MAP3K2: variants seen among roughly 807,000 people sequenced by gnomAD.
MAP3K2 encodes mitogen-activated protein kinase kinase kinase 2.
A neutral mutation model predicts 80.3 loss-of-function variants in MAP3K2; 24 were observed. The ratio of observed to expected loss-of-function variants is 0.30; its 90% CI spans 0.22 to 0.42. MAP3K2 has a LOEUF of 0.42. Among genes scored for constraint, MAP3K2 ranks in the 10% least tolerant of loss-of-function variants. The pLI, the probability that MAP3K2 is intolerant of heterozygous loss-of-function variation, is 1.00. For missense variants in MAP3K2, 608 were observed against 750.1 expected (o/e 0.81, Z 2.21); for synonymous variants, 244 against 253.7 (o/e 0.96, Z 0.36).
intron 1 of MAP3K2, among the ~76,000 whole-genome samples, chr2:127,376,334 C>A (rs969792106): frequency 6.6e-6 from 1 of 151,930 alleles, no homozygotes; most frequent in Non-Finnish European, 1.5e-5. Context: ...AGGGGGGGAG[C>A]GCAACCATGT....
intron 1 of MAP3K2, among the ~76,000 whole-genome samples, chr2:127,360,013 GTATT>G (rs1266640852): frequency 6.6e-6 from 1 of 152,054 alleles, no homozygotes; most frequent in Non-Finnish European, 1.5e-5. Flanking sequence ...CAATGCCTAC[GTATT>G]TACTCAAGAA....
chr2:127,302,058 G>A lies in MAP3K2; in HGVS notation c.*5521C>T, dbSNP rs1035032774. On this transcript the variant is annotated 3_prime_UTR_variant, in exon 17 of 17. Transcript: ENST00000682094. ...AAAAGAGGTACAAGAGAATTTCCTT[G>A]TGAATACTTGGTAAGCTAAGGAAGC... 6.6e-6 allele frequency: 1 copy of A among 152,190 alleles called. No individual in the cohort carries two copies. 9.4% of individuals were successfully genotyped at this position (152,190 alleles called of 1,614,324 possible). A position where few individuals can be genotyped will look rare whatever the true frequency, so the allele number is the denominator to read the frequency against.
rs149362885 is a variant in MAP3K2 at position 127,299,021 on chromosome 2, C to T, written c.*8558G>A. ...AATTATAAAACTCAGAAATTGTATA[C>T]ATTTTTACAAGCACAATTTTGAATG... On this transcript the variant is annotated 3_prime_UTR_variant, in exon 17 of 17. Coordinates refer to ENST00000682094, the MANE Select transcript of MAP3K2 (RefSeq NM_001371910.2). The T allele has an allele frequency of 5.2e-3, 798 of 152,080 alleles. 10 individuals are homozygous for T. The highest frequency in any genetic ancestry group is 0.018 in the African/African-American group (743 of 41,472). 9.4% of individuals were successfully genotyped at this position (152,080 alleles called of 1,614,324 possible).
Position 127,307,834 on chromosome 2 carries a change from A to G in MAP3K2, c.1635-30T>C, listed in dbSNP as rs1685731668. The G allele has an allele frequency of 2.1e-6, 3 of 1,431,114 alleles. No individual in the cohort carries two copies. The highest frequency in any genetic ancestry group is 2.0e-5 in the Admixed American group (1 of 49,706). 88.7% of individuals were successfully genotyped at this position (1,431,114 alleles called of 1,614,324 possible). A position where few individuals can be genotyped will look rare whatever the true frequency, so the allele number is the denominator to read the frequency against. On this transcript the variant is annotated intron_variant, in intron 16 of 16. Coordinates refer to ENST00000682094, the MANE Select transcript of MAP3K2 (RefSeq NM_001371910.2). The surrounding 1 kb of genome is among the most constrained non-coding windows in gnomAD (Gnocchi z 5.4). ...AAAGAAACAAAAAGAAATACATTAC[A>G]CAAACAACAACATGAAAGAAAGCTA...
chr2:127,342,653 A>G (rs1372222506), intron 2 of MAP3K2, among the ~76,000 whole-genome samples: 2 of 142,088 alleles, frequency 1.4e-5, no homozygotes, highest in African/African-American at 5.3e-5. Flanking sequence ...AACACAAAGG[A>G]GAAAAGGAAA....
At chr2:127,386,817 T>C (rs57547812) in intron 1 of MAP3K2, among the ~76,000 whole-genome samples, 13,669 of 152,222 alleles carry the variant, frequency 0.09, 799 homozygotes, top group African/African-American at 0.17. Flanking sequence ...CGTATTTATT[T>C]TTTGCAAGAC....
At chr2:127,335,737 C>CCTTCTGACATACCATATAT (rs1686354431) in intron 5 of MAP3K2, 133 bp downstream of exon 5, 3 of 493,840 alleles carry the variant, frequency 6.1e-6, no homozygotes, top group Non-Finnish European at 1.1e-5. Context: ...TTAAAATTTA[C>CCTTCTGACATACCATATAT]TTGTTTTATC....
At chr2:127,377,420 C>A (rs963311000) in intron 1 of MAP3K2, among the ~76,000 whole-genome samples, 37 of 151,174 alleles carry the variant, frequency 2.4e-4, no homozygotes, top group Non-Finnish European at 4.4e-4. Flanking sequence ...TTGGCCCTAG[C>A]CCCAGAAGAT....
At position 127,352,851 on chromosome 2, in the gene MAP3K2, G is replaced by A. The variant is rs187482179; in HGVS notation, c.-65-9657C>T. 1.7e-4 allele frequency among the ~76,000 whole-genome samples: 26 copies of A among 152,220 alleles called. No individual in the cohort carries two copies. In the East Asian group the frequency reaches 3.9e-3, roughly 23 times the overall value. ...GTGCCTGCGATTGCAGGTGCGCGCC[G>A]CCATGCCTGACTGGTTTTCGTATTT... On this transcript the variant is annotated intron_variant, in intron 1 of 16. Coordinates refer to ENST00000682094, the MANE Select transcript of MAP3K2 (RefSeq NM_001371910.2).
chr2:127,367,473 T>C lies in MAP3K2; in HGVS notation c.-66+19979A>G, dbSNP rs577335950. ...CAGGAGACATTAGGTCTCATTTCCCTATCACATTAGAATAAAATACTTTGG... is the reference window on the plus strand; with the variant it reads ...CAGGAGACATTAGGTCTCATTTCCCCATCACATTAGAATAAAATACTTTGG... On this transcript the variant is annotated intron_variant, in intron 1 of 16. Coordinates refer to ENST00000682094, the MANE Select transcript of MAP3K2 (RefSeq NM_001371910.2). 4.6e-5 allele frequency among the ~76,000 whole-genome samples: 7 copies of C among 152,340 alleles called. No individual in the cohort carries two copies. The South Asian group carries it at 6.2e-4, about 14-fold the overall frequency.
Position 127,335,864 on chromosome 2 carries a change from G to A in MAP3K2, c.264+6C>T. On this transcript the variant is annotated splice_donor_region_variant and intron_variant, in intron 5 of 16. Coordinates refer to ENST00000682094, the MANE Select transcript of MAP3K2 (RefSeq NM_001371910.2). ...GATCTACTAAAGTTAAACTGTACAT[G>A]TTTACCTCGTTATTGGTATAATGTA... 1 of 1,496,510 alleles carries A rather than the reference G, an allele frequency of 6.7e-7. No homozygotes were observed. The highest frequency in any genetic ancestry group is 1.2e-5 in the South Asian group (1 of 83,048). The allele number at this position is 1,496,510 out of a possible 1,614,324, so 92.7% of individuals were successfully genotyped here. A position where few individuals can be genotyped will look rare whatever the true frequency, so the allele number is the denominator to read the frequency against.
In MAP3K2 at chr2:127,364,088, C is replaced by A. The variant is rs1395092078; in HGVS notation, c.-65-20894G>T. Among the ~76,000 whole-genome samples, 1 of 152,140 alleles carries A rather than the reference C, an allele frequency of 6.6e-6. No homozygotes were observed. The highest frequency in any genetic ancestry group is 1.5e-5 in the Non-Finnish European group (1 of 68,006). ...CTTACAACCATAACATAATATAGCA[C>A]ACATATGTTTCAGTCAATCTAACCT... On this transcript the variant is annotated intron_variant, in intron 1 of 16. Coordinates refer to ENST00000682094, the MANE Select transcript of MAP3K2 (RefSeq NM_001371910.2). The surrounding 1 kb of genome is among the most constrained non-coding windows in gnomAD (Gnocchi z 4.1).
At chr2:127,326,327 A>C (rs1553516626) in intron 8 of MAP3K2, among the ~76,000 whole-genome samples, 4 of 151,862 alleles carry the variant, frequency 2.6e-5, no homozygotes, top group Admixed American at 6.6e-5. Context: ...TATTTTTTAA[A>C]TGTTTCAGAA....
chr2:127,319,267 G>C (rs1012596700), intron 12 of MAP3K2, among the ~76,000 whole-genome samples: 6 of 150,066 alleles, frequency 4.0e-5, no homozygotes, highest in African/African-American at 1.5e-4. Context: ...CTACCCCTGA[G>C]AGAGAGGCTG....
At chr2:127,369,077 A>T (rs1006294476) in intron 1 of MAP3K2, among the ~76,000 whole-genome samples, 1 of 151,092 alleles carries the variant, frequency 6.6e-6, no homozygotes, top group Non-Finnish European at 1.5e-5. Flanking sequence ...CCTCCGGAGT[A>T]GCTGGGATTA....
chr2:127,353,618 G>C (rs577252622), intron 1 of MAP3K2, among the ~76,000 whole-genome samples: 11 of 150,288 alleles, frequency 7.3e-5, no homozygotes, highest in South Asian at 2.1e-4. Flanking sequence ...GGAGGGAGGT[G>C]GGGGGGGTCA....
intron 1 of MAP3K2, among the ~76,000 whole-genome samples, chr2:127,356,739 T>G (rs1686804040): frequency 6.6e-6 from 1 of 152,170 alleles, no homozygotes; most frequent in African/African-American, 2.4e-5. Context: ...CCAGATGGAT[T>G]AAGGACCTAA....
At chr2:127,309,733 T>C (rs1419017494) in intron 15 of MAP3K2, among the ~76,000 whole-genome samples, 1 of 152,200 alleles carries the variant, frequency 6.6e-6, no homozygotes, top group Non-Finnish European at 1.5e-5. Context: ...AATTAGGATT[T>C]GTCTCATGTT....
intron 1 of MAP3K2, among the ~76,000 whole-genome samples, chr2:127,372,168 C>T (rs568219946): frequency 1.3e-5 from 2 of 152,286 alleles, no homozygotes; most frequent in African/African-American, 4.8e-5. Flanking sequence ...GTAAAGGAAT[C>T]AATGTGCTCA....
Sources: allele counts gnomAD v4.1 joint callset (sites outside exome capture counted in the v4.1 genomes callset), GRCh38; gene constraint gnomAD v4.1.1; non-coding constraint Gnocchi (gnomAD v3.1); transcripts MANE v1.5; gene names NCBI Gene and HGNC (gene_info 2026-07-23, HGNC 2026-07-21).